SEC16A: variants seen among roughly 807,000 people sequenced by gnomAD.
SEC16A encodes the protein SEC16 homolog A, endoplasmic reticulum export factor, also known as protein transport protein Sec16A.
In SEC16A, 110 loss-of-function variants were observed where a neutral mutation model predicts 221.9. The observed-to-expected ratio is 0.50, with a 90% CI of 0.42 to 0.58. The LOEUF is 0.58. SEC16A is among the 20% of genes least tolerant of loss of function. The pLI is 0.00. For synonymous variants in SEC16A, 1,393 were observed against 1,257.7 expected (o/e 1.11, Z -2.28); for missense variants, 3,165 against 3,097.8 (o/e 1.02, Z -0.52).
rs1444221239 is a variant in SEC16A at position 136,448,124 on chromosome 9, T to G, written c.6350A>C (p.Lys2117Thr). The G allele has an allele frequency of 3.1e-6, 5 of 1,613,604 alleles. No individual in the cohort carries two copies. The highest frequency in any genetic ancestry group is 4.2e-6 in the Non-Finnish European group (5 of 1,179,808). Reference protein sequence around the residue: ...SWFFRWLPGKKKTEAYLPDDK... With the variant: ...SWFFRWLPGKTKTEAYLPDDK... ...ATCTGGCAAATAAGCTTCTGTCTTT[T>G]TCTTTCCAGGTAGCCAACGAAAGAA... is the stretch of plus-strand genomic sequence containing the variant. Residue 2117 changes from lysine (K) to threonine (T), a missense_variant, in exon 24 of 32, where the codon AAA (lysine) becomes ACA (threonine). Lys to Thr is a moderately conservative substitution (Grantham distance 78). Coordinates refer to ENST00000684901, the MANE Select transcript of SEC16A (RefSeq NM_014866.2).
chr9:136,454,765 A>G (rs997918044), intron 20 of SEC16A, among the ~76,000 whole-genome samples: 1 of 152,240 alleles, frequency 6.6e-6, no homozygotes, highest in African/African-American at 2.4e-5. Context: ...ATGCTTCAAC[A>G]ACAAAAGAAA....
intron 5 of SEC16A, among the ~76,000 whole-genome samples, chr9:136,467,855 G>A (rs746377946): frequency 1.1e-4 from 17 of 152,338 alleles, no homozygotes; most frequent in Non-Finnish European, 2.2e-4. Flanking sequence ...AGGAGTGACC[G>A]GAGGAGGCTC....
At position 136,466,674 on chromosome 9, in the gene SEC16A, G is replaced by A. The variant is rs1429596880; in HGVS notation, c.3930-212C>T. 1.3e-5 allele frequency among the ~76,000 whole-genome samples: 2 copies of A among 152,184 alleles called. No homozygotes were observed. The highest frequency in any genetic ancestry group is 4.8e-5 in the African/African-American group (2 of 41,440). ...GTCACTTCTCTGGGCTGCAGGGCGC[G>A]ACCGGTAAGAAGGGACGATGAGAAA... On this transcript the variant is annotated intron_variant, in intron 6 of 31. Transcript: ENST00000684901. This position sits in a 1 kb window ranked among gnomAD's most constrained non-coding sequence, Gnocchi z 5.5.
chr9:136,455,378 T>C (rs985383614), intron 20 of SEC16A, among the ~76,000 whole-genome samples: 1 of 151,954 alleles, frequency 6.6e-6, no homozygotes, highest in Non-Finnish European at 1.5e-5. Flanking sequence ...TTTATGGACA[T>C]GGAAAGCCAT....
chr9:136,454,116 T>C lies in SEC16A; in HGVS notation c.6069A>G (p.Pro2023=), dbSNP rs1201303883. ...RRHLLQEARS[P]DPGIVPQEAP... Reference sequence around the variant, plus strand: ...GCATCTCTGCAGCCCCACCTGGGTCTGGGCTCCTGGCTTCCTGGAGCAAGT... The same window carrying C: ...GCATCTCTGCAGCCCCACCTGGGTCCGGGCTCCTGGCTTCCTGGAGCAAGT... The change falls in exon 21 of 32, where the codon CCA becomes CCG. Residue 2023 remains proline (P), a synonymous_variant. Coordinates refer to ENST00000684901, the MANE Select transcript of SEC16A (RefSeq NM_014866.2). 2 of 1,550,950 alleles carry C rather than the reference T, an allele frequency of 1.3e-6. No individual in the cohort carries two copies. The highest frequency in any genetic ancestry group is 1.7e-6 in the Non-Finnish European group (2 of 1,147,274).
Position 136,475,407 on chromosome 9 carries a change from T to C in SEC16A, c.2209A>G (p.Asn737Asp). 1.2e-6 allele frequency: 2 copies of C among 1,610,692 alleles called. No homozygotes were observed. Among genetic ancestry groups the C allele is most frequent in the Non-Finnish European group, 8.5e-7 (1 of 1,177,726 alleles). Reference sequence around the variant, plus strand: ...GGGGCTGCAGGGGCCAGAAGGACGTTGCCTCCAAAATCTGGCAGCTCACTT... The same window carrying C: ...GGGGCTGCAGGGGCCAGAAGGACGTCGCCTCCAAAATCTGGCAGCTCACTT... The part of the protein sequence containing the change: ...AQSELPDFGG[N>D]VLLAPAAPAL... Residue 737 changes from asparagine to aspartate, a missense_variant, in exon 3 of 32, where the codon AAC becomes GAC. Physicochemically the swap from Asn to Asp is conservative, Grantham distance 23. Coordinates refer to ENST00000684901, the MANE Select transcript of SEC16A (RefSeq NM_014866.2). The surrounding 1 kb of genome is among the most constrained non-coding windows in gnomAD (Gnocchi z 5.0).
At chr9:136,482,762 CCCG>C (rs759139004) in intron 1 of SEC16A, among the ~76,000 whole-genome samples, 173 bp downstream of exon 1, 2,042 of 152,188 alleles carry the variant, frequency 0.013, 19 homozygotes, top group Non-Finnish European at 0.023. Flanking sequence ...GGCCCGGGGG[CCCG>C]GACGTCTGTC....
At position 136,462,870 on chromosome 9, in the gene SEC16A, A is replaced by G. The variant is rs767175819; in HGVS notation, c.4893+17T>C. 1.9e-6 allele frequency: 3 copies of G among 1,597,362 alleles called. No homozygotes were observed. The highest frequency in any genetic ancestry group is 1.7e-5 in the Admixed American group (1 of 59,926). ...TGGACATGTGCAGGCGCCAGGTGCC[A>G]TGATGAGGAGGCGCACCTTCTTACG... On this transcript the variant is annotated intron_variant, in intron 12 of 31. Coordinates refer to ENST00000684901, the MANE Select transcript of SEC16A (RefSeq NM_014866.2).
chr9:136,444,953 T>G, intron 30 of SEC16A, 99 bp downstream of exon 30: 2 of 928,342 alleles, frequency 2.2e-6, no homozygotes, highest in Admixed American at 2.0e-5. Context: ...CGGGCGAGGT[T>G]AGTGGCAAAG....
chr9:136,472,201 C>A, intron 3 of SEC16A, 90 bp from the exon 4 acceptor site: 1 of 1,508,504 alleles, frequency 6.6e-7, no homozygotes, highest in Non-Finnish European at 9.1e-7. Context: ...TTGCAGAGGG[C>A]GGGCAGCATT....
At position 136,462,546 on chromosome 9, in the gene SEC16A, G is replaced by C. The variant is rs367734060; in HGVS notation, c.4893+341C>G. Among the ~76,000 whole-genome samples the C allele has an allele frequency of 3.3e-4, 50 of 152,342 alleles. No homozygotes were observed. In the East Asian group the frequency reaches 6.0e-3, roughly 18 times the overall value. The stretch of plus-strand genomic sequence containing the variant: ...GCTGTGGACTCGAGTCTGACTTTGT[G>C]AGAATGCCACAACTTGTGTCATGCA... On this transcript the variant is annotated intron_variant, in intron 12 of 31. Coordinates refer to ENST00000684901, the MANE Select transcript of SEC16A (RefSeq NM_014866.2).
intron 3 of SEC16A, among the ~76,000 whole-genome samples, chr9:136,472,783 C>T (rs921124997): frequency 8.5e-5 from 13 of 152,244 alleles, no homozygotes; most frequent in Admixed American, 4.6e-4. Context: ...CTCAAGGCCT[C>T]GACGCTGCCG....
intron 12 of SEC16A, among the ~76,000 whole-genome samples, chr9:136,462,177 A>C (rs1839572000): frequency 6.6e-6 from 1 of 152,238 alleles, no homozygotes; most frequent in East Asian, 1.9e-4. Flanking sequence ...ATGATATAAA[A>C]GGACAGAAAA....
At chr9:136,460,392 T>A (rs765723696) in intron 13 of SEC16A, among the ~76,000 whole-genome samples, 1 of 151,912 alleles carries the variant, frequency 6.6e-6, no homozygotes. Flanking sequence ...GAGGCAGAGG[T>A]TGCAGTGAGC....
Position 136,477,244 on chromosome 9 carries a change from A to G in SEC16A, c.372T>C (p.Phe124=). Residue 124 remains phenylalanine (F), a synonymous_variant, in exon 3 of 32, where the codon TTT becomes TTC. Coordinates refer to ENST00000684901, the MANE Select transcript of SEC16A (RefSeq NM_014866.2). ...LTQPRAHASP[F]SGALTPSAPP... Reference sequence around the variant, plus strand: ...GTGCTGAAGGTGTCAATGCACCAGAAAACGGACTGGCATGTGCTCTGGGCT... The same window carrying G: ...GTGCTGAAGGTGTCAATGCACCAGAGAACGGACTGGCATGTGCTCTGGGCT... 1 of 1,613,922 alleles carries G rather than the reference A, an allele frequency of 6.2e-7. No homozygotes were observed. The highest frequency in any genetic ancestry group is 8.5e-7 in the Non-Finnish European group (1 of 1,179,866).
intron 17 of SEC16A, among the ~76,000 whole-genome samples, chr9:136,458,615 G>A (rs904924041): frequency 1.4e-5 from 2 of 146,222 alleles, no homozygotes; most frequent in Non-Finnish European, 3.0e-5. Context: ...GTGACAGAGC[G>A]AGACTCGGTC....
At position 136,454,068 on chromosome 9, in the gene SEC16A, A is replaced by C. The variant is rs775303085; in HGVS notation, c.6076+41T>G. On this transcript the variant is annotated intron_variant, in intron 21 of 31. Coordinates refer to ENST00000684901, the MANE Select transcript of SEC16A (RefSeq NM_014866.2). Reference sequence around the variant, plus strand: ...CCAATCCCCACAAACACCACACCCCATGCTGCTTCTGCTCTCGAGACAGCA... The same window carrying C: ...CCAATCCCCACAAACACCACACCCCCTGCTGCTTCTGCTCTCGAGACAGCA... 6.0e-6 allele frequency: 9 copies of C among 1,506,858 alleles called. No individual in the cohort carries two copies. The African/African-American group carries it at 1.1e-4, about 19-fold the overall frequency. 93.3% of individuals were successfully genotyped at this position (1,506,858 alleles called of 1,614,324 possible).
rs781026715 is a variant in SEC16A, at chr9:136,465,919, C to G, written c.4303+43G>C. On this transcript the variant is annotated intron_variant, in intron 8 of 31. Transcript: ENST00000684901. ...CAGATGCCAGGCTGGGTGGCCGCCC[C>G]AGTGGGGTTAGCCGGTATCCCTCTG... 1.9e-6 allele frequency: 3 copies of G among 1,576,602 alleles called. No homozygotes were observed. The Admixed American group carries it at 5.4e-5, about 29-fold the overall frequency.
intron 22 of SEC16A, among the ~76,000 whole-genome samples, chr9:136,452,105 A>G (rs1837892655): frequency 6.6e-6 from 1 of 152,184 alleles, no homozygotes; most frequent in Admixed American, 6.5e-5. Context: ...GAATTCCAGG[A>G]CATCCTCTTG....
Sources: gnomAD v4.1 joint callset for allele counts (sites outside exome capture counted in the v4.1 genomes callset) on GRCh38, gnomAD v4.1.1 for gene constraint, Gnocchi (gnomAD v3.1) non-coding constraint, MANE v1.5 for transcripts, NCBI Gene and HGNC (gene_info 2026-07-23, HGNC 2026-07-21) for gene names.